Variants in CDH13 observed in about 807,000 individuals in gnomAD.
CDH13 encodes the protein cadherin 13, also known as cadherin-13.
In CDH13, 24 loss-of-function variants were observed where a neutral mutation model predicts 63.8. The observed-to-expected ratio is 0.38, with a 90% confidence interval of 0.27 to 0.53. The LOEUF (loss-of-function observed/expected upper bound fraction) is 0.53. Ranked by LOEUF, CDH13 falls within the 20% of genes least tolerant of loss-of-function variation. The pLI is 0.85. For synonymous variants in CDH13, 503 were observed against 355.3 expected (o/e 1.42, Z -4.67); for missense variants, 1,049 against 903.1 (o/e 1.16, Z -2.07).
At chr16:82,976,216 C>A (rs937180560) in intron 2 of CDH13, among the ~76,000 whole-genome samples, 5 of 152,166 alleles carry the variant, frequency 3.3e-5, no homozygotes, top group African/African-American at 1.2e-4. Context: ...CACCAGGGGG[C>A]CTGGGCTTTT....
At chr16:83,240,235 A>T (rs1317135550) in intron 5 of CDH13, among the ~76,000 whole-genome samples, 1 of 151,986 alleles carries the variant, frequency 6.6e-6, no homozygotes, top group African/African-American at 2.4e-5. Flanking sequence ...AAAGATCCGG[A>T]GGTCAAAGTG....
intron 2 of CDH13, among the ~76,000 whole-genome samples, chr16:82,897,055 C>T (rs950803067): frequency 7.2e-5 from 11 of 152,008 alleles, no homozygotes; most frequent in African/African-American, 2.4e-4. Flanking sequence ...GCTGGGATTA[C>T]AGGCATGAGC....
At chr16:83,376,814 T>A (rs914569676) in intron 6 of CDH13, among the ~76,000 whole-genome samples, 2 of 152,128 alleles carry the variant, frequency 1.3e-5, no homozygotes, top group Non-Finnish European at 1.5e-5. Context: ...CAATACAATA[T>A]GTAGAAGTGA....
chr16:82,852,038 G>T (rs1250265033), intron 1 of CDH13, among the ~76,000 whole-genome samples: 1 of 152,320 alleles, frequency 6.6e-6, no homozygotes, highest in South Asian at 2.1e-4. Flanking sequence ...CAGAGACACT[G>T]GGGTGTTGGT....
intron 7 of CDH13, among the ~76,000 whole-genome samples, chr16:83,538,092 C>T (rs553196433): frequency 6.6e-5 from 10 of 152,252 alleles, no homozygotes; most frequent in African/African-American, 2.4e-4. Flanking sequence ...TTTTGCCAGA[C>T]ACTTGAAGCA....
At chr16:82,905,277 A>T (rs1025076476) in intron 2 of CDH13, among the ~76,000 whole-genome samples, 1 of 152,232 alleles carries the variant, frequency 6.6e-6, no homozygotes, top group Non-Finnish European at 1.5e-5. Context: ...AGGTTAAGCA[A>T]CTTGCTCAGG....
At chr16:83,443,308 C>A (rs757633406) in intron 6 of CDH13, among the ~76,000 whole-genome samples, 1 of 152,116 alleles carries the variant, frequency 6.6e-6, no homozygotes, top group Non-Finnish European at 1.5e-5. Context: ...CCTTCCGCAA[C>A]AGGTGTTCAG....
chr16:82,908,156 T>C (rs536980274), intron 2 of CDH13, among the ~76,000 whole-genome samples: 100 of 152,226 alleles, frequency 6.6e-4, no homozygotes, highest in Non-Finnish European at 1.3e-3. Context: ...AAGACAGGTA[T>C]GTTTTGAAAT....
chr16:83,547,133 G>A (rs2075400445), intron 7 of CDH13, among the ~76,000 whole-genome samples: 1 of 152,116 alleles, frequency 6.6e-6, no homozygotes, highest in African/African-American at 2.4e-5. Flanking sequence ...CCATCTAGTG[G>A]GGGAGGCAAA....
chr16:83,196,160 G>A (rs2038872706), intron 4 of CDH13, among the ~76,000 whole-genome samples: 1 of 152,166 alleles, frequency 6.6e-6, no homozygotes, highest in Admixed American at 6.5e-5. Flanking sequence ...GGAGGCTGAA[G>A]CAGGAGAATC....
At chr16:83,093,148 C>T (rs1237178567) in intron 3 of CDH13, among the ~76,000 whole-genome samples, 2 of 152,098 alleles carry the variant, frequency 1.3e-5, no homozygotes, top group East Asian at 1.9e-4. Context: ...TCTGCTAAAG[C>T]GAACTTCTTG....
chr16:82,943,481 A>G (rs1211466474), intron 2 of CDH13, among the ~76,000 whole-genome samples: 2 of 152,174 alleles, frequency 1.3e-5, no homozygotes, highest in South Asian at 2.1e-4. Context: ...TTCATGACAA[A>G]AGGTGTGATT....
chr16:82,802,269 G>C (rs1414023879), intron 1 of CDH13, among the ~76,000 whole-genome samples: 1 of 152,064 alleles, frequency 6.6e-6, no homozygotes, highest in Non-Finnish European at 1.5e-5. Context: ...TGAGAATAGT[G>C]AGTGCTCACA....
At chr16:83,463,947 G>C (rs2073244106) in intron 6 of CDH13, among the ~76,000 whole-genome samples, 1 of 152,170 alleles carries the variant, frequency 6.6e-6, no homozygotes, top group African/African-American at 2.4e-5. Flanking sequence ...AGTATCAGTT[G>C]ACAGCACTAA....
intron 3 of CDH13, among the ~76,000 whole-genome samples, chr16:83,042,721 G>A (rs889413383): frequency 2.0e-5 from 3 of 152,266 alleles, no homozygotes; most frequent in Admixed American, 6.5e-5. Flanking sequence ...CAACAAGCTC[G>A]TGGTAAATTA....
intron 6 of CDH13, among the ~76,000 whole-genome samples, chr16:83,358,338 G>T (rs531070560): frequency 6.6e-6 from 1 of 152,258 alleles, no homozygotes; most frequent in African/African-American, 2.4e-5. Context: ...GTAGCGATAT[G>T]ATGGCTAGAA....
chr16:82,866,848 A>G (rs1446723117), intron 2 of CDH13, among the ~76,000 whole-genome samples: 3 of 152,134 alleles, frequency 2.0e-5, no homozygotes, highest in South Asian at 2.1e-4. Flanking sequence ...AGAACTCACT[A>G]TCACGAGAGC....
chr16:83,507,904 C>T (rs1032675901), intron 7 of CDH13, among the ~76,000 whole-genome samples: 14 of 151,200 alleles, frequency 9.3e-5, no homozygotes, highest in Non-Finnish European at 1.8e-4. Context: ...TGGTGGCGGG[C>T]GCCTGTAATT....
intron 4 of CDH13, among the ~76,000 whole-genome samples, chr16:83,139,619 C>A (rs977951683): frequency 6.6e-6 from 1 of 151,878 alleles, no homozygotes; most frequent in Non-Finnish European, 1.5e-5. Context: ...CTGTTTTTTC[C>A]TTTTGCAAAT....
Sources: gnomAD v4.1 joint callset for allele counts (sites outside exome capture counted in the v4.1 genomes callset) on GRCh38, gnomAD v4.1.1 for gene constraint, MANE v1.5 for transcripts, NCBI Gene and HGNC (gene_info 2026-07-23, HGNC 2026-07-21) for gene names.